The following SMARCA2 variants were observed in gnomAD, a reference collection of about 807,000 sequenced individuals.
SMARCA2 encodes SWI/SNF related BAF chromatin remodeling complex subunit ATPase 2, also known as SWI/SNF-related matrix-associated actin-dependent regulator of chromatin subfamily A member 2.
Under a neutral mutation model 199.8 loss-of-function variants are expected in SMARCA2, and 61 were observed. The ratio of observed to expected loss-of-function variants is 0.31; its 90% CI spans 0.25 to 0.38. SMARCA2 has a LOEUF of 0.38. SMARCA2 is among the 10% of genes least tolerant of loss of function. The pLI, the probability that SMARCA2 is intolerant of heterozygous loss-of-function variation, is 1.00. For missense variants in SMARCA2, 1,344 were observed against 2,012.2 expected, an observed-to-expected ratio of 0.67 and a Z score of 6.35; for synonymous variants, 935 against 732.0, an observed-to-expected ratio of 1.28 and a Z score of -4.48.
chr9:2,155,720 CTTTTTTTTTTTTTTTT>C (rs59156319), intron 27 of SMARCA2, among the ~76,000 whole-genome samples: 173 of 53,178 alleles, frequency 3.3e-3, no homozygotes, highest in South Asian at 8.5e-3. Context: ...AAGAGAAAAC[CTTTTTTTTTTTTTTTT>C]TTTTTTTTTT....
chr9:2,111,166 T>C (rs1462433600), intron 24 of SMARCA2, among the ~76,000 whole-genome samples: 2 of 151,942 alleles, frequency 1.3e-5, no homozygotes, highest in Admixed American at 1.3e-4. Context: ...ATTTGATTCA[T>C]ACTGGAGCAA....
intron 27 of SMARCA2, among the ~76,000 whole-genome samples, chr9:2,124,500 G>A (rs977443670): frequency 1.3e-5 from 2 of 152,178 alleles, no homozygotes; most frequent in African/African-American, 4.8e-5. Flanking sequence ...GAGGCCCAGA[G>A]AGGTGACATG....
At chr9:2,189,735 A>C (rs1015925384) in intron 32 of SMARCA2, among the ~76,000 whole-genome samples, 5 of 152,022 alleles carry the variant, frequency 3.3e-5, no homozygotes, top group Non-Finnish European at 7.4e-5. Flanking sequence ...CTTGGCTAGG[A>C]GTACTATTTT....
chr9:2,084,141 A>G lies in SMARCA2; in HGVS notation c.2471A>G (p.Asn824Ser), dbSNP rs1403309347. The change falls in exon 17 of 34, where the codon AAT (asparagine) becomes AGT (serine). Residue 824 changes from asparagine to serine, a missense_variant. By Grantham distance (46) the Asn-to-Ser change is conservative. Coordinates refer to ENST00000349721, the MANE Select transcript of SMARCA2 (RefSeq NM_003070.5). ...CCCCAGCTACGGAGTGGCAAATTCA[A>G]TGTCCTCTTGACTACTTATGAGTAT... ...LVPQLRSGKFNVLLTTYEYII... is the reference protein window; with the variant it reads ...LVPQLRSGKFSVLLTTYEYII... 1.2e-6 allele frequency: 2 copies of G among 1,612,672 alleles called. No individual in the cohort carries two copies. The highest frequency in any genetic ancestry group is 1.3e-5 in the African/African-American group (1 of 74,876).
intron 27 of SMARCA2, among the ~76,000 whole-genome samples, chr9:2,131,691 C>A (rs1403121375): frequency 6.6e-6 from 1 of 152,044 alleles, no homozygotes; most frequent in Non-Finnish European, 1.5e-5. Context: ...GTAGAAAAAA[C>A]AAAATGAGGC....
rs937654156 is a variant in SMARCA2, at chr9:2,056,650, C to T, written c.1174-22C>T. On this transcript the variant is annotated intron_variant, in intron 6 of 33. Transcript: ENST00000349721. The surrounding 1 kb of genome is among the most constrained non-coding windows in gnomAD (Gnocchi z 4.0). ...CCTAGCTTCTGTTAGGGAAGGCTGT[C>T]TAACTGCTCTCTTCTTGACAGCTGA... 12 of 1,603,362 alleles carry T rather than the reference C, an allele frequency of 7.5e-6. No homozygotes were observed. The highest frequency in any genetic ancestry group is 2.2e-5 in the South Asian group (2 of 89,874).
chr9:2,047,669 C>A, intron 5 of SMARCA2, 185 bp downstream of exon 5: 1 of 574,950 alleles, frequency 1.7e-6, no homozygotes, highest in Non-Finnish European at 2.5e-6. Context: ...TTTTGAAGAT[C>A]AAAAGCCGAC....
At chr9:2,126,490 CT>C (rs1823702757) in intron 27 of SMARCA2, among the ~76,000 whole-genome samples, 1 of 152,156 alleles carries the variant, frequency 6.6e-6, no homozygotes, top group Non-Finnish European at 1.5e-5. Flanking sequence ...GCCTGTTAAG[CT>C]TTTTTGATGA....
At chr9:2,103,915 G>C (rs977513261) in intron 22 of SMARCA2, 88 bp from the exon 23 acceptor site, 5 of 1,074,966 alleles carry the variant, frequency 4.7e-6, no homozygotes, top group Non-Finnish European at 7.0e-6. Context: ...AGTGTACAAA[G>C]GACTATATGA....
At chr9:2,186,332 A>G in intron 32 of SMARCA2, 104 bp downstream of exon 32, 1 of 1,223,640 alleles carries the variant, frequency 8.2e-7, no homozygotes, top group East Asian at 2.6e-5. Flanking sequence ...GCAGATCTGG[A>G]TTGGAGCCCT....
At position 2,104,108 on chromosome 9, in the gene SMARCA2, T is replaced by C. The variant is rs143428093; in HGVS notation, c.3231T>C (p.Ser1077=). The change falls in exon 23 of 34, where the codon TCT becomes TCC. Residue 1077 remains serine (S), a synonymous_variant. Coordinates refer to ENST00000349721, the MANE Select transcript of SMARCA2 (RefSeq NM_003070.5). The surrounding 1 kb of genome is among the most constrained non-coding windows in gnomAD (Gnocchi z 4.0). Reference sequence around the variant, plus strand: ...TGCTGCTTTTCTGCCAGATGACATCTCTCATGACCATCATGGAGGATTATT... The same window carrying C: ...TGCTGCTTTTCTGCCAGATGACATCCCTCATGACCATCATGGAGGATTATT... ...HRVLLFCQMT[S]LMTIMEDYFA... The C allele has an allele frequency of 6.2e-7, 1 of 1,614,106 alleles. No homozygotes were observed. Among genetic ancestry groups the C allele is most frequent in the South Asian group, 1.1e-5 (1 of 91,080 alleles).
chr9:2,073,348 G>C lies in SMARCA2; in HGVS notation c.1877+6G>C. ...TGGCTGGAAATGAATCCTGGGTAAG[G>C]CATGAAAGCAGCGTTCATGGTGTTC... On this transcript the variant is annotated splice_donor_region_variant and intron_variant, in intron 11 of 33. Transcript: ENST00000349721. 2 of 1,614,120 alleles carry C rather than the reference G, an allele frequency of 1.2e-6. No individual in the cohort carries two copies. Among genetic ancestry groups the C allele is most frequent in the Non-Finnish European group, 1.7e-6 (2 of 1,180,014 alleles).
intron 23 of SMARCA2, among the ~76,000 whole-genome samples, chr9:2,106,202 G>T (rs1248768578): frequency 6.6e-6 from 1 of 152,196 alleles, no homozygotes. Flanking sequence ...GTGAAACCAG[G>T]TTCTAACTTG....
chr9:2,134,274 A>G (rs1052242048), intron 27 of SMARCA2, among the ~76,000 whole-genome samples: 1 of 152,200 alleles, frequency 6.6e-6, no homozygotes, highest in African/African-American at 2.4e-5. Context: ...CTTGCTGAAT[A>G]TGTTACAGGA....
At chr9:2,096,318 A>C (rs970750344) in intron 19 of SMARCA2, among the ~76,000 whole-genome samples, 1 of 152,258 alleles carries the variant, frequency 6.6e-6, no homozygotes, top group Non-Finnish European at 1.5e-5. Flanking sequence ...GAAGTGAAGG[A>C]AATGCTAAAA....
intron 13 of SMARCA2, among the ~76,000 whole-genome samples, chr9:2,076,807 C>T (rs993899669): frequency 2.0e-5 from 3 of 152,092 alleles, no homozygotes; most frequent in African/African-American, 4.8e-5. Context: ...TCGCCCAGTC[C>T]CTGAACCCTC....
intron 4 of SMARCA2, chr9:2,045,172 G>A (rs1819784076): frequency 6.6e-6 from 1 of 152,206 alleles, no homozygotes; most frequent in Non-Finnish European, 1.5e-5. Flanking sequence ...AAAACACTTT[G>A]AGAACTAAAT....
chr9:2,073,520 A>G, intron 11 of SMARCA2, 46 bp from the exon 12 acceptor site: 1 of 1,545,614 alleles, frequency 6.5e-7, no homozygotes, highest in Non-Finnish European at 8.9e-7. Context: ...TTGTATTGTA[A>G]TTTAAAAAAC....
At chr9:2,166,908 G>T (rs190627637) in intron 28 of SMARCA2, among the ~76,000 whole-genome samples, 63 of 152,240 alleles carry the variant, frequency 4.1e-4, no homozygotes, top group Admixed American at 3.9e-3. Flanking sequence ...AAACCCTGCC[G>T]AAAAAGTGAA....
Sources: allele counts gnomAD v4.1 joint callset (sites outside exome capture counted in the v4.1 genomes callset), GRCh38; gene constraint gnomAD v4.1.1; non-coding constraint Gnocchi (gnomAD v3.1); transcripts MANE v1.5; gene names NCBI Gene and HGNC (gene_info 2026-07-23, HGNC 2026-07-21).